GPR75: variants seen among roughly 807,000 people sequenced by gnomAD.
GPR75 encodes probable G protein-coupled receptor 75.
GPR75 carries 27 observed loss-of-function variants against 26.0 expected under a neutral mutation model. The observed-to-expected ratio is 1.04, with a 90% CI of 0.77 to 1.43. GPR75 has a LOEUF of 1.43. Ranked by LOEUF, GPR75 falls within the 40% of genes most tolerant of loss-of-function variation. The probability of loss-of-function intolerance (pLI) is 0.00; values close to 1 mark genes in which losing one functional copy is unlikely to be tolerated. For missense variants in GPR75, 699 were observed against 662.3 expected, an observed-to-expected ratio of 1.06 and a Z score of -0.61; for synonymous variants, 285 against 256.3, an observed-to-expected ratio of 1.11 and a Z score of -1.07.
Position 53,859,905 on chromosome 2 carries a change from C to T in GPR75, c.-187G>A, listed in dbSNP as rs1455503827. The T allele has an allele frequency of 2.6e-6, 4 of 1,529,420 alleles. No homozygotes were observed. The highest frequency in any genetic ancestry group is 5.0e-5 in the East Asian group (2 of 39,940). The allele number at this position is 1,529,420 out of a possible 1,614,324, so 94.7% of individuals were successfully genotyped here. ...GCTCCGCCTGCCGCTCTGGATGATG[C>T]AGGACTAGAGGCATCATCGCCATCG... is the stretch of plus-strand genomic sequence containing the variant. On this transcript the variant is annotated 5_prime_UTR_variant, in exon 1 of 2. Transcript: ENST00000394705.
rs1678186237 is a variant in GPR75, at chr2:53,854,845, A to T, written c.-89T>A. The stretch of plus-strand genomic sequence containing the variant: ...TCACAGATGAGCAATATGTGACAAA[A>T]GAGGCCCAAGACAGATAAGCCTACA... On this transcript the variant is annotated 5_prime_UTR_variant, in exon 2 of 2. Coordinates refer to ENST00000394705, the MANE Select transcript of GPR75 (RefSeq NM_006794.4). 1.2e-5 allele frequency: 12 copies of T among 975,514 alleles called. No individual in the cohort carries two copies. The East Asian group carries it at 2.9e-4, about 23-fold the overall frequency. The allele number at this position is 975,514 out of a possible 1,614,324, so 60.4% of individuals were successfully genotyped here.
Position 53,853,594 on chromosome 2 carries a change from A to G in GPR75, c.1163T>C (p.Leu388Pro). 6.2e-7 allele frequency: 1 copy of G among 1,614,062 alleles called. No individual in the cohort carries two copies. Among genetic ancestry groups the G allele is most frequent in the Non-Finnish European group, 8.5e-7 (1 of 1,179,884 alleles). Residue 388 changes from leucine to proline, a missense_variant, in exon 2 of 2, where the codon CTC becomes CCC. By Grantham distance (98) the Leu-to-Pro change is moderately conservative. Transcript: ENST00000394705. ...RNSAGLRRKVLWCLQYIGLGF... is the reference protein window; with the variant it reads ...RNSAGLRRKVPWCLQYIGLGF... ...CAGGCCTATGTATTGGAGGCACCAGAGCACTTTCCTTCTCAGCCCTGCACT... is the reference window on the plus strand; with the variant it reads ...CAGGCCTATGTATTGGAGGCACCAGGGCACTTTCCTTCTCAGCCCTGCACT...
rs1362010945 is a variant in GPR75, at chr2:53,859,760, C to T, written c.-110+68G>A. ...AGCGCAGCCGCGCTCCTCGCTATCC[C>T]GCCAGCCTCCGGGAGCCGTCTCCGG... On this transcript the variant is annotated intron_variant, in intron 1 of 1. Coordinates refer to ENST00000394705, the MANE Select transcript of GPR75 (RefSeq NM_006794.4). 9 of 1,276,182 alleles carry T rather than the reference C, an allele frequency of 7.1e-6. No homozygotes were observed. The African/African-American group carries it at 9.2e-5, about 13-fold the overall frequency. 79.1% of individuals were successfully genotyped at this position (1,276,182 alleles called of 1,614,324 possible).
intron 1 of GPR75, 146 bp downstream of exon 1, chr2:53,859,682 G>T: frequency 1.7e-6 from 1 of 598,368 alleles, no homozygotes; most frequent in Non-Finnish European, 2.8e-6. Flanking sequence ...GGGCGAGAAG[G>T]CTACCCTGCA....
At position 53,854,213 on chromosome 2, in the gene GPR75, T is replaced by G; in HGVS notation, c.544A>C (p.Lys182Gln). Residue 182 changes from lysine (K) to glutamine (Q), a missense_variant, in exon 2 of 2, where the codon AAA becomes CAA. Coordinates refer to ENST00000394705, the MANE Select transcript of GPR75 (RefSeq NM_006794.4). ...AGACAGAGGTGGGACTTGCTGGTTT[T>G]CAAGGTAGCCAAGGTGGCAAGGGTG... Reference protein sequence around the residue: ...SFTLATLATLKTSKSHLCLPM... With the variant: ...SFTLATLATLQTSKSHLCLPM... 6.2e-7 allele frequency: 1 copy of G among 1,614,102 alleles called. No homozygotes were observed. The highest frequency in any genetic ancestry group is 8.5e-7 in the Non-Finnish European group (1 of 1,180,032).
chr2:53,858,442 C>CACACACAT (rs1390197872), intron 1 of GPR75, among the ~76,000 whole-genome samples: 1 of 145,340 alleles, frequency 6.9e-6, no homozygotes, highest in East Asian at 2.1e-4. Flanking sequence ...CACACACACA[C>CACACACAT]ATTCTTCTAT....
chr2:53,853,574 C>A lies in GPR75; in HGVS notation c.1183G>T (p.Gly395Cys). The A allele has an allele frequency of 1.2e-6, 2 of 1,614,120 alleles. No homozygotes were observed. The highest frequency in any genetic ancestry group is 1.6e-4 in the Middle Eastern group (1 of 6,062). ...TGTTTGCAGCAGAAAAAACCCAGGC[C>A]TATGTATTGGAGGCACCAGAGCACT... ...RKVLWCLQYI[G>C]LGFFCCKQKT... Residue 395 changes from glycine (G) to cysteine (C), a missense_variant, in exon 2 of 2, where the codon GGC (glycine) becomes TGC (cysteine). By Grantham distance (159) the Gly-to-Cys change is radical. Transcript: ENST00000394705.
chr2:53,854,244 G>C lies in GPR75; in HGVS notation c.513C>G (p.Thr171=), dbSNP rs1678167335. 2 of 1,614,090 alleles carry C rather than the reference G, an allele frequency of 1.2e-6. No homozygotes were observed. The highest frequency in any genetic ancestry group is 1.3e-5 in the African/African-American group (1 of 75,022). ...TVLLTLLLWA[T]SFTLATLATL... is the part of the protein sequence containing the mutation. ...TAGCCAAGGTGGCAAGGGTGAAACT[G>C]GTGGCCCAGAGAAGCAGGGTGAGGA... is the stretch of plus-strand genomic sequence containing the variant. The change falls in exon 2 of 2, where the codon ACC becomes ACG. Residue 171 remains threonine, a synonymous_variant. Transcript: ENST00000394705.
rs778040493 is a variant in GPR75 at position 53,853,129 on chromosome 2, T to C, written c.*5A>G. On this transcript the variant is annotated 3_prime_UTR_variant, in exon 2 of 2. Coordinates refer to ENST00000394705, the MANE Select transcript of GPR75 (RefSeq NM_006794.4). ...TTTACATAAGATCCTATAGCCTCCA[T>C]GACTTTAAACGGAGGGGACTGGAAT... 1.2e-6 allele frequency: 2 copies of C among 1,606,980 alleles called. No homozygotes were observed. The highest frequency in any genetic ancestry group is 2.2e-5 in the South Asian group (2 of 90,528).
chr2:53,853,918 A>G lies in GPR75; in HGVS notation c.839T>C (p.Leu280Pro), dbSNP rs989308202. 13 of 1,613,898 alleles carry G rather than the reference A, an allele frequency of 8.1e-6. No homozygotes were observed. Among genetic ancestry groups the G allele is most frequent in the Non-Finnish European group, 1.0e-5 (12 of 1,180,018 alleles). ...ALYRNQNYNK[L>P]QHVQTRGYTK... ...ATATCCACGGGTCTGAACGTGCTGC[A>G]GTTTGTTGTAATTCTGGTTCCTATA... The change falls in exon 2 of 2, where the codon CTG becomes CCG. Residue 280 changes from leucine (L) to proline (P), a missense_variant. Coordinates refer to ENST00000394705, the MANE Select transcript of GPR75 (RefSeq NM_006794.4).
At chr2:53,859,486 G>T (rs796287219) in intron 1 of GPR75, among the ~76,000 whole-genome samples, 1 of 152,112 alleles carries the variant, frequency 6.6e-6, no homozygotes, top group Non-Finnish European at 1.5e-5. Flanking sequence ...AGGGGCTGGC[G>T]GTGGGTAGGG....
Position 53,859,757 on chromosome 2 carries a change from T to G in GPR75, c.-110+71A>C, listed in dbSNP as rs1273155457. 1.7e-5 allele frequency: 21 copies of G among 1,231,262 alleles called. No homozygotes were observed. In the East Asian group the frequency reaches 5.4e-4, roughly 32 times the overall value. 76.3% of individuals were successfully genotyped at this position (1,231,262 alleles called of 1,614,324 possible). A position where few individuals can be genotyped will look rare whatever the true frequency, so the allele number is the denominator to read the frequency against. ...CCCAGCGCAGCCGCGCTCCTCGCTATCCCGCCAGCCTCCGGGAGCCGTCTC... is the reference window on the plus strand; with the variant it reads ...CCCAGCGCAGCCGCGCTCCTCGCTAGCCCGCCAGCCTCCGGGAGCCGTCTC... On this transcript the variant is annotated intron_variant, in intron 1 of 1. Transcript: ENST00000394705.
chr2:53,858,304 T>C (rs1418276535), intron 1 of GPR75, among the ~76,000 whole-genome samples: 2 of 152,104 alleles, frequency 1.3e-5, no homozygotes, highest in African/African-American at 2.4e-5. Context: ...AATAATCCTA[T>C]GAATAGGTAT....
intron 1 of GPR75, among the ~76,000 whole-genome samples, chr2:53,859,625 G>GT (rs1259694157): frequency 1.4e-5 from 2 of 145,588 alleles, no homozygotes; most frequent in African/African-American, 5.0e-5. Context: ...GGGTGGGTGG[G>GT]TGGGGGGGGT....
rs191384948 is a variant in GPR75, at chr2:53,853,036, T to C, written c.*98A>G. ...TAACTGCCAACTTTTCAGTTGAATC[T>C]TGTAGGTTTTGATCCGCCACTGATC... On this transcript the variant is annotated 3_prime_UTR_variant, in exon 2 of 2. Transcript: ENST00000394705. 2 of 835,104 alleles carry C rather than the reference T, an allele frequency of 2.4e-6. No individual in the cohort carries two copies. Among genetic ancestry groups the C allele is most frequent in the Admixed American group, 2.6e-5 (1 of 38,722 alleles). 51.7% of individuals were successfully genotyped at this position (835,104 alleles called of 1,614,324 possible). A position where few individuals can be genotyped will look rare whatever the true frequency, so the allele number is the denominator to read the frequency against.
At chr2:53,857,178 A>AT (rs1678253761) in intron 1 of GPR75, among the ~76,000 whole-genome samples, 1 of 150,836 alleles carries the variant, frequency 6.6e-6, no homozygotes, top group Non-Finnish European at 1.5e-5. Flanking sequence ...CTTGTTAGCC[A>AT]GGATGGTCTC....
intron 1 of GPR75, among the ~76,000 whole-genome samples, chr2:53,855,354 C>T (rs1189070009): frequency 1.3e-5 from 2 of 152,184 alleles, no homozygotes; most frequent in African/African-American, 2.4e-5. Flanking sequence ...GGCCTCGCCC[C>T]TTGTGATTCT....
At chr2:53,856,946 A>AATT (rs1678242495) in intron 1 of GPR75, among the ~76,000 whole-genome samples, 1 of 78,928 alleles carries the variant, frequency 1.3e-5, no homozygotes, top group South Asian at 5.8e-4. Context: ...GAGAAAGACA[A>AATT]TTTTTTTTTT....
chr2:53,858,627 G>A (rs1279799726), intron 1 of GPR75, among the ~76,000 whole-genome samples: 2 of 152,150 alleles, frequency 1.3e-5, no homozygotes, highest in Non-Finnish European at 2.9e-5. Context: ...TGGAGGGAAA[G>A]TAAACTCAGG....
Sources: allele counts gnomAD v4.1 joint callset (sites outside exome capture counted in the v4.1 genomes callset), GRCh38; gene constraint gnomAD v4.1.1; transcripts MANE v1.5; gene names NCBI Gene and HGNC (gene_info 2026-07-23, HGNC 2026-07-21).